COPG2: variants seen among roughly 807,000 people sequenced by gnomAD.
COPG2 encodes coatomer subunit gamma-2.
In COPG2, 37 loss-of-function variants were observed where a neutral mutation model predicts 46.3. The ratio of observed to expected loss-of-function variants is 0.80; its 90% CI spans 0.61 to 1.05. The LOEUF is 1.05. Ranked by LOEUF, COPG2 falls within the 50% of genes least tolerant of loss-of-function variation. The pLI is 0.00. For synonymous variants in COPG2, 159 were observed against 129.7 expected (o/e 1.23, Z -1.53); for missense variants, 427 against 387.8 (o/e 1.10, Z -0.85).
In COPG2 at chr7:130,518,646, T is replaced by G. The variant is rs1241289632; in HGVS notation, c.2150-9987A>C. ...ACTTGCTGAAGTATGATACTAAGAT[T>G]TGCTCAGAACAGAAATATTATGTTA... On this transcript the variant is annotated intron_variant, in intron 20 of 23. Transcript: ENST00000425248. Among the ~76,000 whole-genome samples, 7 of 152,270 alleles carry G rather than the reference T, an allele frequency of 4.6e-5. No homozygotes were observed. In the East Asian group the frequency reaches 1.4e-3, roughly 29 times the overall value.
chr7:130,618,393 A>G (rs1794985688), intron 5 of COPG2, among the ~76,000 whole-genome samples: 1 of 151,988 alleles, frequency 6.6e-6, no homozygotes, highest in South Asian at 2.1e-4. Flanking sequence ...TGTAATTTCA[A>G]TTTTTACTTA....
At chr7:130,656,097 T>C (rs1458086176) in intron 4 of COPG2, among the ~76,000 whole-genome samples, 5 of 152,166 alleles carry the variant, frequency 3.3e-5, no homozygotes, top group African/African-American at 1.2e-4. Context: ...ATGTGGATAA[T>C]GATATATTTG....
rs374276459 is a variant in COPG2, at chr7:130,666,952, T to C, written c.91-23A>G. ...AGCCTATGAAAAAACATAAAAAACA[T>C]TGCTACTTTTCTACCTTTTCTATCA... On this transcript the variant is annotated intron_variant, in intron 2 of 23. Transcript: ENST00000425248. 88 of 1,307,006 alleles carry C rather than the reference T, an allele frequency of 6.7e-5. No homozygotes were observed. The Middle Eastern group carries it at 7.4e-4, about 11-fold the overall frequency. The allele number at this position is 1,307,006 out of a possible 1,614,324, so 81.0% of individuals were successfully genotyped here.
chr7:130,652,800 A>C, intron 5 of COPG2, 69 bp downstream of exon 5: 1 of 977,504 alleles, frequency 1.0e-6, no homozygotes, highest in Admixed American at 2.2e-5. Context: ...ATGGTCAAAA[A>C]ATGAAATCAA....
chr7:130,606,708 C>T (rs1316352250), intron 9 of COPG2, among the ~76,000 whole-genome samples: 2 of 152,176 alleles, frequency 1.3e-5, no homozygotes, highest in African/African-American at 4.8e-5. Context: ...GCCTGTGCCC[C>T]TGAGTTCCAG....
chr7:130,621,373 G>A (rs1431614476), intron 5 of COPG2, among the ~76,000 whole-genome samples: 4 of 152,180 alleles, frequency 2.6e-5, no homozygotes, highest in Non-Finnish European at 1.5e-5. Context: ...GGAAATCAAT[G>A]CACAGGAATG....
chr7:130,617,070 G>A lies in COPG2; in HGVS notation c.324-5C>T. 2 of 1,597,774 alleles carry A rather than the reference G, an allele frequency of 1.3e-6. No individual in the cohort carries two copies. On this transcript the variant is annotated splice_polypyrimidine_tract_variant and splice_region_variant and intron_variant, in intron 5 of 23. Coordinates refer to ENST00000425248, the MANE Select transcript of COPG2 (RefSeq NM_012133.6). ...CCAGTCATGTCTTTAGTCAGACTAA[G>A]AAAAATCAAATTGGTTAACATAAGA... is the stretch of plus-strand genomic sequence containing the variant.
At chr7:130,518,998 T>A (rs1466717338) in intron 20 of COPG2, among the ~76,000 whole-genome samples, 1 of 75,578 alleles carries the variant, frequency 1.3e-5, no homozygotes, top group African/African-American at 5.3e-5. Flanking sequence ...AGAGTGAGAC[T>A]CTGTCTCAAA....
chr7:130,551,434 G>A (rs1044550690), intron 15 of COPG2, 90 bp from the exon 16 acceptor site: 6 of 394,334 alleles, frequency 1.5e-5, no homozygotes, highest in Admixed American at 8.8e-5. Flanking sequence ...AGCTCAGGTC[G>A]TCATCTGATA....
At chr7:130,532,175 G>A (rs1169787757) in intron 20 of COPG2, among the ~76,000 whole-genome samples, 9 of 152,144 alleles carry the variant, frequency 5.9e-5, no homozygotes, top group Non-Finnish European at 5.9e-5. Context: ...CATAGTTCCC[G>A]ACAGACCAGG....
intron 9 of COPG2, among the ~76,000 whole-genome samples, chr7:130,592,487 TAAC>T (rs1339433529): frequency 1.3e-5 from 2 of 150,598 alleles, no homozygotes; most frequent in African/African-American, 2.4e-5. Flanking sequence ...ATTATAATAA[TAAC>T]AAAGAAAAAT....
chr7:130,539,300 C>A (rs1799913855), intron 20 of COPG2, among the ~76,000 whole-genome samples: 1 of 151,720 alleles, frequency 6.6e-6, no homozygotes, highest in Admixed American at 6.6e-5. Flanking sequence ...AGTGGCGGGA[C>A]TGGCTGTAGA....
intron 20 of COPG2, among the ~76,000 whole-genome samples, chr7:130,513,304 A>AT (rs1420488791): frequency 7.4e-4 from 36 of 48,448 alleles, no homozygotes; most frequent in East Asian, 2.1e-3. Context: ...AAAAAAAAAA[A>AT]AAAAATATAT....
At chr7:130,646,929 GTA>G (rs1236164186) in intron 5 of COPG2, among the ~76,000 whole-genome samples, 36 of 103,032 alleles carry the variant, frequency 3.5e-4, no homozygotes, top group Admixed American at 2.0e-3. Context: ...GTTTGTGTGT[GTA>G]TATATATATA....
At chr7:130,537,079 G>T (rs972275213) in intron 20 of COPG2, among the ~76,000 whole-genome samples, 3 of 152,036 alleles carry the variant, frequency 2.0e-5, no homozygotes, top group Admixed American at 2.0e-4. Context: ...GTTGAGACTG[G>T]GTGCATTCGT....
intron 8 of COPG2, among the ~76,000 whole-genome samples, chr7:130,611,847 T>C (rs1794855359): frequency 6.6e-6 from 1 of 152,206 alleles, no homozygotes; most frequent in Non-Finnish European, 1.5e-5. Flanking sequence ...AACTTGGAAT[T>C]ATCTTTTTAC....
At chr7:130,522,079 T>C (rs1293868055) in intron 20 of COPG2, among the ~76,000 whole-genome samples, 3 of 152,076 alleles carry the variant, frequency 2.0e-5, no homozygotes, top group African/African-American at 7.2e-5. Flanking sequence ...CACATCCACA[T>C]CTAGAAAGGG....
At chr7:130,531,522 G>C (rs1462703069) in intron 20 of COPG2, among the ~76,000 whole-genome samples, 2 of 151,974 alleles carry the variant, frequency 1.3e-5, no homozygotes, top group South Asian at 2.1e-4. Flanking sequence ...GAGTACCTGA[G>C]AGTCCTATCA....
At chr7:130,595,016 G>C (rs573342633) in intron 9 of COPG2, among the ~76,000 whole-genome samples, 1 of 152,278 alleles carries the variant, frequency 6.6e-6, no homozygotes, top group Admixed American at 6.5e-5. Flanking sequence ...TCCTAGGTAT[G>C]TACCCCAAAG....
Sources: gnomAD v4.1 joint callset for allele counts (sites outside exome capture counted in the v4.1 genomes callset) on GRCh38, gnomAD v4.1.1 for gene constraint, MANE v1.5 for transcripts, NCBI Gene and HGNC (gene_info 2026-07-23, HGNC 2026-07-21) for gene names.